The following WRN variants were observed in gnomAD, a reference collection of about 807,000 sequenced individuals.
WRN encodes the protein bifunctional 3'-5' exonuclease/ATP-dependent helicase WRN.
WRN carries 149 observed loss-of-function variants against 180.7 expected under a neutral mutation model. The observed-to-expected ratio is 0.82, with a 90% CI of 0.72 to 0.94. The LOEUF is 0.94. Among genes scored for constraint, WRN ranks in the 40% least tolerant of loss-of-function variants. The pLI, the probability that WRN is intolerant of heterozygous loss-of-function variation, is 0.00. For missense variants in WRN, 1,661 were observed against 1,700.1 expected (o/e 0.98, Z 0.40); for synonymous variants, 548 against 568.9 (o/e 0.96, Z 0.52).
intron 32 of WRN, among the ~76,000 whole-genome samples, chr8:31,155,753 CAGTTG>C (rs1803362814): frequency 6.6e-6 from 1 of 151,712 alleles, no homozygotes; most frequent in South Asian, 2.1e-4. Flanking sequence ...ATGAGGCTTA[CAGTTG>C]AGTTTAATTT....
chr8:31,058,372 T>C lies in WRN; in HGVS notation c.-76T>C. On this transcript the variant is annotated splice_region_variant and 5_prime_UTR_variant, in exon 2 of 35. Transcript: ENST00000298139. ...TCATATTGACAGTACTACCTCTCAG[T>C]TTTCTTTCAGATATTGTTTTGTATT... 7.7e-7 allele frequency: 1 copy of C among 1,298,148 alleles called. No homozygotes were observed. Among genetic ancestry groups the C allele is most frequent in the South Asian group, 1.3e-5 (1 of 79,748 alleles). 80.4% of individuals were successfully genotyped at this position (1,298,148 alleles called of 1,614,324 possible).
intron 24 of WRN, among the ~76,000 whole-genome samples, chr8:31,140,736 G>T (rs901784183): frequency 3.9e-5 from 6 of 152,012 alleles, no homozygotes; most frequent in Admixed American, 2.6e-4. Flanking sequence ...CTGTTGGTTC[G>T]CATTGCGTTT....
chr8:31,059,577 G>A (rs1037869989), intron 3 of WRN, among the ~76,000 whole-genome samples: 1 of 152,052 alleles, frequency 6.6e-6, no homozygotes, highest in Admixed American at 6.5e-5. Context: ...TATATATAGA[G>A]CTACTGAACA....
At chr8:31,142,775 TAATTC>T in intron 27 of WRN, 74 bp downstream of exon 27, 1 of 1,343,566 alleles carries the variant, frequency 7.4e-7, no homozygotes. Flanking sequence ...TTTTATATTT[TAATTC>T]CTTTCCAATT....
intron 23 of WRN, among the ~76,000 whole-genome samples, chr8:31,129,029 G>T (rs952353869): frequency 2.4e-4 from 36 of 152,290 alleles, no homozygotes; most frequent in Non-Finnish European, 2.2e-4. Context: ...ACAGGCTGGA[G>T]AGCAGTGGTA....
At chr8:31,051,742 C>T (rs1433952699) in intron 1 of WRN, among the ~76,000 whole-genome samples, 4 of 152,120 alleles carry the variant, frequency 2.6e-5, no homozygotes, top group East Asian at 1.9e-4. Context: ...TTTTAGAATG[C>T]GATTATGGAG....
At chr8:31,050,759 C>T (rs750775072) in intron 1 of WRN, among the ~76,000 whole-genome samples, 32 of 152,072 alleles carry the variant, frequency 2.1e-4, no homozygotes, top group East Asian at 1.2e-3. Context: ...AATTTGCATA[C>T]GTGCCCAATG....
chr8:31,103,860 G>A (rs1267121435), intron 18 of WRN, among the ~76,000 whole-genome samples: 4 of 151,544 alleles, frequency 2.6e-5, no homozygotes, highest in Admixed American at 6.6e-5. Flanking sequence ...TCAGCCTCCC[G>A]AGTAGCTGAG....
At chr8:31,131,378 A>T (rs979458078) in intron 23 of WRN, among the ~76,000 whole-genome samples, 4 of 152,056 alleles carry the variant, frequency 2.6e-5, no homozygotes, top group Non-Finnish European at 2.9e-5. Flanking sequence ...CTGGTCTTGA[A>T]TGCCTGACTT....
At chr8:31,095,067 GCAGTGTATGAGAGGTC>G (rs1813906562) in intron 16 of WRN, among the ~76,000 whole-genome samples, 1 of 152,140 alleles carries the variant, frequency 6.6e-6, no homozygotes, top group Admixed American at 6.6e-5. Context: ...ATTCCCACCA[GCAGTGTATGAGAGGTC>G]CAGTTCCTCC....
chr8:31,053,389 A>T (rs540469285), intron 1 of WRN, among the ~76,000 whole-genome samples: 3 of 152,236 alleles, frequency 2.0e-5, no homozygotes, highest in Non-Finnish European at 4.4e-5. Flanking sequence ...GGAATTTCAC[A>T]TTAAATGATT....
chr8:31,095,952 G>A (rs1310320611), intron 16 of WRN, among the ~76,000 whole-genome samples: 29 of 152,108 alleles, frequency 1.9e-4, no homozygotes, highest in Admixed American at 1.7e-3. Flanking sequence ...TCTAGATATC[G>A]AAACAATTAG....
At chr8:31,136,990 C>G (rs371858576) in intron 24 of WRN, among the ~76,000 whole-genome samples, 12 of 151,702 alleles carry the variant, frequency 7.9e-5, no homozygotes, top group African/African-American at 2.7e-4. Context: ...CAGAGGAGGC[C>G]TTGTTCAGAG....
intron 23 of WRN, among the ~76,000 whole-genome samples, chr8:31,130,018 AAC>A (rs1467347337): frequency 3.6e-5 from 5 of 139,866 alleles, no homozygotes; most frequent in African/African-American, 8.9e-5. Context: ...AAAAAAACAA[AAC>A]AAAACAAAAA....
chr8:31,071,937 A>T (rs1812928174), intron 7 of WRN, among the ~76,000 whole-genome samples: 1 of 152,244 alleles, frequency 6.6e-6, no homozygotes. Context: ...GCATTGAGGA[A>T]GAGCAAGATT....
intron 27 of WRN, 105 bp downstream of exon 27, chr8:31,142,806 T>C (rs988232973): frequency 1.9e-6 from 2 of 1,041,856 alleles, no homozygotes; most frequent in East Asian, 2.7e-5. Flanking sequence ...GAAAATGGCA[T>C]ATATAACAAA....
chr8:31,138,904 T>C (rs1802500824), intron 24 of WRN, among the ~76,000 whole-genome samples: 1 of 152,220 alleles, frequency 6.6e-6, no homozygotes, highest in South Asian at 2.1e-4. Context: ...CATCCTAGCT[T>C]CCTTTTTGTG....
chr8:31,101,210 G>A lies in WRN; in HGVS notation c.2088+255G>A, dbSNP rs538097785. Among the ~76,000 whole-genome samples the A allele has an allele frequency of 4.6e-5, 7 of 152,278 alleles. No homozygotes were observed. The East Asian group carries it at 1.4e-3, about 29-fold the overall frequency. On this transcript the variant is annotated intron_variant, in intron 18 of 34. Transcript: ENST00000298139. ...AAGCTTTATAGGCCACATGTAGTCT[G>A]TATCACATATTCCTCTCTCTGTTTT...
chr8:31,052,338 A>G (rs1349344219), intron 1 of WRN, among the ~76,000 whole-genome samples: 1 of 151,866 alleles, frequency 6.6e-6, no homozygotes, highest in African/African-American at 2.4e-5. Context: ...TTTGGTATAC[A>G]TTGCTCCAGA....
Sources: allele counts gnomAD v4.1 joint callset (sites outside exome capture counted in the v4.1 genomes callset), GRCh38; gene constraint gnomAD v4.1.1; transcripts MANE v1.5; gene names NCBI Gene and HGNC (gene_info 2026-07-23, HGNC 2026-07-21).